Variants in SPECC1 observed in about 807,000 individuals in gnomAD.
The protein encoded by SPECC1 is sperm antigen with calponin homology and coiled-coil domains 1, also known as cytospin-B.
In SPECC1, 62 loss-of-function variants were observed where a neutral mutation model predicts 104.1. That is an observed-to-expected ratio of 0.60 (90% CI 0.49 to 0.74). SPECC1 has a LOEUF of 0.74. Among genes scored for constraint, SPECC1 ranks in the 30% least tolerant of loss-of-function variants. The probability of loss-of-function intolerance (pLI) is 0.00; values close to 1 mark genes in which losing one functional copy is unlikely to be tolerated. For synonymous variants in SPECC1, 513 were observed against 501.6 expected (o/e 1.02, Z -0.30); for missense variants, 1,306 against 1,310.5 (o/e 1.00, Z 0.05).
chr17:20,096,817 AG>A lies in SPECC1; in HGVS notation c.147+22del. ...CAGCAGGGTATGGATCAAAATGCACAGGGCCAGGCAGAGCGCCTGGATACCC... is the reference window on the plus strand; with the variant it reads ...CAGCAGGGTATGGATCAAAATGCACAGGCCAGGCAGAGCGCCTGGATACCC... On this transcript the variant is annotated intron_variant, in intron 2 of 14. Coordinates refer to ENST00000395527, the MANE Select transcript of SPECC1 (RefSeq NM_001243439.2). The A allele has an allele frequency of 6.2e-7, 1 of 1,600,980 alleles. No individual in the cohort carries two copies. The highest frequency in any genetic ancestry group is 8.5e-7 in the Non-Finnish European group (1 of 1,170,540).
intron 1 of SPECC1, among the ~76,000 whole-genome samples, chr17:20,016,619 C>T (rs572308862): frequency 6.6e-6 from 1 of 152,346 alleles, no homozygotes; most frequent in South Asian, 2.1e-4. Flanking sequence ...CCTGGGCCAG[C>T]AGCTGCTGTG....
At chr17:20,137,242 T>A (rs2030109062) in intron 3 of SPECC1, among the ~76,000 whole-genome samples, 2 of 152,238 alleles carry the variant, frequency 1.3e-5, no homozygotes, top group Non-Finnish European at 2.9e-5. Flanking sequence ...AACCGTCCCC[T>A]TTCTTCTTCA....
At chr17:20,254,823 A>G (rs1363328359) in intron 10 of SPECC1, among the ~76,000 whole-genome samples, 2 of 152,094 alleles carry the variant, frequency 1.3e-5, no homozygotes, top group Non-Finnish European at 2.9e-5. Context: ...GTCAAACACA[A>G]TCAGGCTTGT....
intron 1 of SPECC1, chr17:20,057,631 C>T (rs1049372874): frequency 6.6e-6 from 1 of 152,110 alleles, no homozygotes; most frequent in Non-Finnish European, 1.5e-5. Context: ...GCTGGGATTA[C>T]AAGCATCTGC....
At chr17:20,234,798 C>T (rs1200697488) in intron 7 of SPECC1, among the ~76,000 whole-genome samples, 1 of 152,176 alleles carries the variant, frequency 6.6e-6, no homozygotes, top group Non-Finnish European at 1.5e-5. Flanking sequence ...CTGATAAGCA[C>T]GAGATGAAGC....
chr17:20,238,042 C>T (rs2039016675), intron 7 of SPECC1: 2 of 1,022,010 alleles, frequency 2.0e-6, no homozygotes, highest in South Asian at 4.6e-5. Flanking sequence ...ATGTCTGGCC[C>T]CTTCTGTGGG....
chr17:20,027,111 GA>G (rs1292720199), intron 1 of SPECC1, among the ~76,000 whole-genome samples: 1 of 152,092 alleles, frequency 6.6e-6, no homozygotes, highest in African/African-American at 2.4e-5. Context: ...AAACAAACTT[GA>G]AAAACAAGAA....
intron 3 of SPECC1, among the ~76,000 whole-genome samples, chr17:20,139,520 A>C (rs2030486569): frequency 6.6e-6 from 1 of 152,180 alleles, no homozygotes; most frequent in Non-Finnish European, 1.5e-5. Flanking sequence ...GTTTCATTAT[A>C]GAGTTGTTTA....
intron 7 of SPECC1, among the ~76,000 whole-genome samples, chr17:20,233,975 G>A (rs978484011): frequency 2.0e-5 from 3 of 152,146 alleles, no homozygotes; most frequent in African/African-American, 7.2e-5. Flanking sequence ...TGTATGAGAT[G>A]CTGTGTTTCT....
chr17:20,065,309 G>C (rs146465060), intron 1 of SPECC1, among the ~76,000 whole-genome samples: 3 of 152,162 alleles, frequency 2.0e-5, no homozygotes, highest in African/African-American at 7.2e-5. Flanking sequence ...AGGCCCCAAG[G>C]CTGCCTCCTT....
Position 20,204,842 on chromosome 17 carries a change from G to A in SPECC1, c.793G>A (p.Gly265Arg), listed in dbSNP as rs1478383664. 2.5e-6 allele frequency: 4 copies of A among 1,613,998 alleles called. No homozygotes were observed. Among genetic ancestry groups the A allele is most frequent in the Non-Finnish European group, 3.4e-6 (4 of 1,180,032 alleles). The change falls in exon 4 of 15, where the codon GGG becomes AGG. Residue 265 changes from glycine to arginine, a missense_variant. Transcript: ENST00000395527. ...IYLEHSPNSE[G>R]AASHTGDSSC... ...TCTTGAGCACTCCCCAAATTCAGAA[G>A]GGGCAGCAAGTCACACTGGCGACAG...
At chr17:20,268,635 G>A (rs1005978567) in intron 12 of SPECC1, among the ~76,000 whole-genome samples, 2 of 152,214 alleles carry the variant, frequency 1.3e-5, no homozygotes, top group African/African-American at 4.8e-5. Flanking sequence ...CCACTCTATT[G>A]AGGCCTTTTC....
Position 20,167,752 on chromosome 17 carries a change from G to A in SPECC1, c.284-36581G>A, listed in dbSNP as rs564930781. On this transcript the variant is annotated intron_variant, in intron 3 of 14. Coordinates refer to ENST00000395527, the MANE Select transcript of SPECC1 (RefSeq NM_001243439.2). Reference sequence around the variant, plus strand: ...GTTATAGGTAAAGTTTTTCATATATGAGAAAAATGTAATTTCTGTGCTATT... The same window carrying A: ...GTTATAGGTAAAGTTTTTCATATATAAGAAAAATGTAATTTCTGTGCTATT... Among the ~76,000 whole-genome samples the A allele has an allele frequency of 7.9e-5, 12 of 152,240 alleles. No individual in the cohort carries two copies. The South Asian group carries it at 2.5e-3, about 32-fold the overall frequency.
intron 2 of SPECC1, among the ~76,000 whole-genome samples, chr17:20,105,509 GTCT>G (rs1215868552): frequency 6.6e-6 from 1 of 152,090 alleles, no homozygotes; most frequent in African/African-American, 2.4e-5. Context: ...CAGATCCCAA[GTCT>G]TCTTTTGCAT....
chr17:20,299,573 A>G lies in SPECC1; in HGVS notation c.3057+2496A>G, dbSNP rs959466027. The stretch of plus-strand genomic sequence containing the variant: ...CCTGTCTCAAAAAAAAAAAAAAAAA[A>G]AAAAAAGAAAAGAAAAAAAACCTTC... On this transcript the variant is annotated intron_variant, in intron 13 of 14. Coordinates refer to ENST00000395527, the MANE Select transcript of SPECC1 (RefSeq NM_001243439.2). 1.7e-4 allele frequency among the ~76,000 whole-genome samples: 20 copies of G among 118,608 alleles called. 1 individual carries two copies. The highest frequency in any genetic ancestry group is 6.8e-4 in the Admixed American group (8 of 11,736). The allele number at this position is 118,608 out of a possible 152,430, so 77.8% of individuals were successfully genotyped here. A position where few individuals can be genotyped will look rare whatever the true frequency, so the allele number is the denominator to read the frequency against.
intron 3 of SPECC1, among the ~76,000 whole-genome samples, chr17:20,172,602 C>T (rs937933261): frequency 1.3e-5 from 2 of 151,950 alleles, no homozygotes; most frequent in African/African-American, 4.8e-5. Flanking sequence ...GGCAGGCCAG[C>T]GTGGGAGGAC....
At chr17:20,159,343 G>T (rs923650842) in intron 3 of SPECC1, among the ~76,000 whole-genome samples, 4 of 152,202 alleles carry the variant, frequency 2.6e-5, no homozygotes, top group African/African-American at 4.8e-5. Context: ...GATTACAGGT[G>T]TAAGCCACTG....
At chr17:20,156,808 T>G (rs1402237265) in intron 3 of SPECC1, among the ~76,000 whole-genome samples, 2 of 152,204 alleles carry the variant, frequency 1.3e-5, no homozygotes, top group African/African-American at 4.8e-5. Flanking sequence ...GTTTTCGTCC[T>G]CTGGTAGCTC....
At chr17:20,145,599 C>A (rs140943582) in intron 3 of SPECC1, among the ~76,000 whole-genome samples, 2 of 152,218 alleles carry the variant, frequency 1.3e-5, no homozygotes, top group African/African-American at 4.8e-5. Flanking sequence ...GAACTTTCCC[C>A]AGCCTTCCTC....
Sources: gnomAD v4.1 joint callset for allele counts (sites outside exome capture counted in the v4.1 genomes callset) on GRCh38, gnomAD v4.1.1 for gene constraint, MANE v1.5 for transcripts, NCBI Gene and HGNC (gene_info 2026-07-23, HGNC 2026-07-21) for gene names.